The following AK5 variants were observed in gnomAD, a reference collection of about 807,000 sequenced individuals.
AK5 encodes adenylate kinase isoenzyme 5.
In AK5, 27 loss-of-function variants were observed where a neutral mutation model predicts 69.5. The observed-to-expected ratio is 0.39, with a 90% confidence interval of 0.29 to 0.54. The LOEUF (loss-of-function observed/expected upper bound fraction) is 0.54. AK5 is among the 20% of genes least tolerant of loss of function. AK5 has a pLI of 0.71. For synonymous variants in AK5, 260 were observed against 244.4 expected, an observed-to-expected ratio of 1.06 and a Z score of -0.60; for missense variants, 531 against 700.4, an observed-to-expected ratio of 0.76 and a Z score of 2.73.
chr1:77,380,566 T>C (rs1268078926), intron 6 of AK5, among the ~76,000 whole-genome samples: 1 of 152,216 alleles, frequency 6.6e-6, no homozygotes, highest in Non-Finnish European at 1.5e-5. Context: ...ATTTACTGAT[T>C]TAATCAACAA....
At chr1:77,283,862 A>G (rs541801088) in intron 1 of AK5, among the ~76,000 whole-genome samples, 1 of 152,338 alleles carries the variant, frequency 6.6e-6, no homozygotes, top group East Asian at 1.9e-4. Flanking sequence ...AGAATCATTA[A>G]AAACATCTGT....
chr1:77,367,689 A>ATAT (rs1646998394), intron 6 of AK5, among the ~76,000 whole-genome samples: 1 of 68,236 alleles, frequency 1.5e-5, no homozygotes, highest in African/African-American at 5.3e-5. Flanking sequence ...TATGTTATAT[A>ATAT]TACGTTATAT....
At chr1:77,349,556 T>C (rs1662088909) in intron 6 of AK5, 1 of 152,214 alleles carries the variant, frequency 6.6e-6, no homozygotes, top group Admixed American at 6.5e-5. Context: ...TTGACAGGCA[T>C]CTCTATGCAG....
intron 8 of AK5, among the ~76,000 whole-genome samples, chr1:77,470,390 A>G (rs921339740): frequency 6.6e-6 from 1 of 152,166 alleles, no homozygotes; most frequent in African/African-American, 2.4e-5. Flanking sequence ...CTGTAATCCC[A>G]GCTACTCGGA....
intron 12 of AK5, among the ~76,000 whole-genome samples, chr1:77,531,023 C>T (rs888054841): frequency 5.9e-5 from 9 of 152,016 alleles, no homozygotes; most frequent in Admixed American, 6.6e-5. Flanking sequence ...GTCCTGTGTC[C>T]GGAAATGGTG....
At chr1:77,484,359 A>T (rs574113509) in intron 9 of AK5, among the ~76,000 whole-genome samples, 8 of 152,348 alleles carry the variant, frequency 5.3e-5, no homozygotes, top group African/African-American at 1.7e-4. Context: ...ATATGTTTAT[A>T]GTATTGATTC....
intron 8 of AK5, among the ~76,000 whole-genome samples, chr1:77,455,825 G>C (rs1386606972): frequency 6.6e-6 from 1 of 152,118 alleles, no homozygotes; most frequent in Non-Finnish European, 1.5e-5. Flanking sequence ...GTTAGGTTTT[G>C]AAATCTCCCC....
chr1:77,460,398 G>T (rs555128444), intron 8 of AK5, among the ~76,000 whole-genome samples: 1 of 152,292 alleles, frequency 6.6e-6, no homozygotes, highest in African/African-American at 2.4e-5. Context: ...AAACAGATCT[G>T]CTATTGAATC....
At chr1:77,392,331 G>A (rs559146323) in intron 6 of AK5, among the ~76,000 whole-genome samples, 69 of 152,156 alleles carry the variant, frequency 4.5e-4, no homozygotes, top group Non-Finnish European at 7.5e-4. Flanking sequence ...TTTTTAATGA[G>A]TTGCTTAGCT....
intron 8 of AK5, among the ~76,000 whole-genome samples, chr1:77,424,121 G>A (rs1651031058): frequency 6.6e-6 from 1 of 152,176 alleles, no homozygotes; most frequent in African/African-American, 2.4e-5. Flanking sequence ...ATTTACTGTG[G>A]TTCCTTTTAT....
intron 10 of AK5, among the ~76,000 whole-genome samples, chr1:77,507,749 A>G (rs1483035166): frequency 1.3e-5 from 2 of 152,242 alleles, no homozygotes; most frequent in East Asian, 3.8e-4. Flanking sequence ...AAATCAACAA[A>G]GACTTCCTGC....
At chr1:77,373,879 A>G (rs1008112519) in intron 6 of AK5, among the ~76,000 whole-genome samples, 2 of 152,194 alleles carry the variant, frequency 1.3e-5, no homozygotes, top group Non-Finnish European at 2.9e-5. Flanking sequence ...CATATTCTTC[A>G]TTTTTTAAAT....
At chr1:77,391,396 T>TATATATACACACAC (rs1648419151) in intron 6 of AK5, among the ~76,000 whole-genome samples, 1 of 143,448 alleles carries the variant, frequency 7.0e-6, no homozygotes, top group Admixed American at 7.1e-5. Context: ...AAAAAATATA[T>TATATATACACACAC]ATATATATAC....
intron 6 of AK5, among the ~76,000 whole-genome samples, chr1:77,385,700 C>A (rs1186318349): frequency 6.6e-6 from 1 of 152,042 alleles, no homozygotes; most frequent in Non-Finnish European, 1.5e-5. Context: ...ACAGGAAATG[C>A]GAGAAAACAT....
intron 10 of AK5, among the ~76,000 whole-genome samples, chr1:77,509,335 A>T (rs1304974707): frequency 6.6e-6 from 1 of 152,210 alleles, no homozygotes; most frequent in South Asian, 2.1e-4. Context: ...AGAACTAATA[A>T]AGATGTTGTC....
intron 8 of AK5, among the ~76,000 whole-genome samples, chr1:77,425,229 G>C (rs1270885367): frequency 6.6e-6 from 1 of 152,120 alleles, no homozygotes; most frequent in African/African-American, 2.4e-5. Flanking sequence ...CAAAAATTGG[G>C]GGAATTTGTT....
chr1:77,461,120 G>T (rs1182006747), intron 8 of AK5, among the ~76,000 whole-genome samples: 2 of 149,194 alleles, frequency 1.3e-5, no homozygotes, highest in Non-Finnish European at 3.0e-5. Flanking sequence ...TGCAAGCTCT[G>T]CCTCCTGGGT....
intron 8 of AK5, among the ~76,000 whole-genome samples, chr1:77,438,643 A>G (rs1652120197): frequency 6.6e-6 from 1 of 152,180 alleles, no homozygotes; most frequent in East Asian, 1.9e-4. Context: ...AATTATTTAT[A>G]GATGTGCATA....
intron 5 of AK5, among the ~76,000 whole-genome samples, chr1:77,306,589 G>A (rs769373167): frequency 7.2e-6 from 1 of 138,150 alleles, no homozygotes; most frequent in Non-Finnish European, 1.5e-5. Flanking sequence ...CTCTGGTTTT[G>A]GTATCAAGGT....
Sources: gnomAD v4.1 joint callset for allele counts (sites outside exome capture counted in the v4.1 genomes callset) on GRCh38, gnomAD v4.1.1 for gene constraint, MANE v1.5 for transcripts, NCBI Gene and HGNC (gene_info 2026-07-23, HGNC 2026-07-21) for gene names.